PTN: variants seen among roughly 807,000 people sequenced by gnomAD.
The protein encoded by PTN is pleiotrophin.
PTN carries 18 observed loss-of-function variants against 24.1 expected under a neutral mutation model. The observed-to-expected ratio is 0.75, with a 90% CI of 0.52 to 1.11. The LOEUF (loss-of-function observed/expected upper bound fraction) is 1.11. Among genes scored for constraint, PTN ranks in the 50% least tolerant of loss-of-function variants. The pLI is 0.00. For missense variants in PTN, 163 were observed against 198.8 expected, an observed-to-expected ratio of 0.82 and a Z score of 1.08; for synonymous variants, 78 against 68.6, an observed-to-expected ratio of 1.14 and a Z score of -0.67.
chr7:137,292,858 G>A (rs543549336), intron 1 of PTN, among the ~76,000 whole-genome samples: 1 of 152,200 alleles, frequency 6.6e-6, no homozygotes, highest in African/African-American at 2.4e-5. Flanking sequence ...GGGTCAAGTG[G>A]GTGGGTGAGT....
chr7:137,230,916 T>C (rs369073929), intron 4 of PTN, among the ~76,000 whole-genome samples: 90 of 151,992 alleles, frequency 5.9e-4, no homozygotes, highest in African/African-American at 2.1e-3. Context: ...TCTGTTTTTC[T>C]CTCTAGTCTC....
chr7:137,302,857 T>G (rs1244194914), intron 1 of PTN, among the ~76,000 whole-genome samples: 1 of 151,996 alleles, frequency 6.6e-6, no homozygotes, highest in Admixed American at 6.6e-5. Context: ...CTCAAAAGTC[T>G]ATCAGTTCAG....
chr7:137,332,292 A>G (rs904118378), intron 1 of PTN, among the ~76,000 whole-genome samples: 23 of 152,206 alleles, frequency 1.5e-4, no homozygotes, highest in African/African-American at 5.5e-4. Context: ...TAAAATTTGA[A>G]TATCTTGTAC....
At chr7:137,261,671 C>T (rs1033043612) in intron 1 of PTN, among the ~76,000 whole-genome samples, 13 of 152,152 alleles carry the variant, frequency 8.5e-5, no homozygotes, top group South Asian at 4.1e-4. Context: ...GCATTCAGAA[C>T]GAAGACCCAA....
At chr7:137,340,820 A>T (rs1810521949) in intron 1 of PTN, among the ~76,000 whole-genome samples, 1 of 152,148 alleles carries the variant, frequency 6.6e-6, no homozygotes. Flanking sequence ...GCTGAGGTGC[A>T]CTCAGGTGTG....
At chr7:137,307,609 ATATG>A (rs1292552737) in intron 1 of PTN, among the ~76,000 whole-genome samples, 2 of 152,108 alleles carry the variant, frequency 1.3e-5, no homozygotes, top group South Asian at 2.1e-4. Flanking sequence ...CTATATATAT[ATATG>A]TATTTAATAA....
rs1400186003 is a variant in PTN, at chr7:137,273,786, A to G, written c.-1-18812T>C. Among the ~76,000 whole-genome samples, 3 of 152,052 alleles carry G rather than the reference A, an allele frequency of 2.0e-5. No homozygotes were observed. In the East Asian group the frequency reaches 5.8e-4, roughly 29 times the overall value. On this transcript the variant is annotated intron_variant, in intron 1 of 4. Transcript: ENST00000348225. ...GACAAGGAAAGACCACGGAGAGGGG[A>G]AAAGGCTGTGAGTTGCATGAACATG...
intron 1 of PTN, among the ~76,000 whole-genome samples, chr7:137,312,165 T>G (rs1342305281): frequency 6.6e-6 from 1 of 152,230 alleles, no homozygotes; most frequent in Non-Finnish European, 1.5e-5. Context: ...GACAAGATAT[T>G]AATTGTTGTC....
chr7:137,249,634 CTGAG>C (rs1162720072), intron 4 of PTN, among the ~76,000 whole-genome samples: 1 of 152,128 alleles, frequency 6.6e-6, no homozygotes, highest in Non-Finnish European at 1.5e-5. Context: ...TACAGTAACT[CTGAG>C]TTTTGCCATT....
chr7:137,317,815 T>C (rs892670723), intron 1 of PTN, among the ~76,000 whole-genome samples: 3 of 152,168 alleles, frequency 2.0e-5, no homozygotes, highest in South Asian at 2.1e-4. Flanking sequence ...TTATAGTCTT[T>C]GCAGGAAGAT....
chr7:137,315,151 T>C (rs895894969), intron 1 of PTN, among the ~76,000 whole-genome samples: 4 of 152,066 alleles, frequency 2.6e-5, no homozygotes, highest in East Asian at 3.9e-4. Context: ...CAATGCAAAA[T>C]AGGATGCTAA....
chr7:137,262,420 C>T (rs1378682267), intron 1 of PTN, among the ~76,000 whole-genome samples: 1 of 152,000 alleles, frequency 6.6e-6, no homozygotes, highest in African/African-American at 2.4e-5. Context: ...CACCTCATTG[C>T]TGAGTTTTCT....
intron 4 of PTN, among the ~76,000 whole-genome samples, chr7:137,235,391 G>A (rs1808501727): frequency 1.3e-5 from 2 of 152,126 alleles, no homozygotes; most frequent in South Asian, 2.1e-4. Flanking sequence ...CCAGGTACTG[G>A]TTGGCTAGGC....
intron 4 of PTN, among the ~76,000 whole-genome samples, chr7:137,239,952 A>C (rs184784257): frequency 1.3e-4 from 20 of 152,232 alleles, no homozygotes; most frequent in African/African-American, 4.8e-4. Context: ...CTAGTCATTG[A>C]GCAAAACAAG....
At chr7:137,231,819 G>T (rs949142002) in intron 4 of PTN, among the ~76,000 whole-genome samples, 4 of 151,926 alleles carry the variant, frequency 2.6e-5, no homozygotes, top group Non-Finnish European at 5.9e-5. Flanking sequence ...ATACGTATAT[G>T]AAATTTATCC....
intron 1 of PTN, among the ~76,000 whole-genome samples, chr7:137,337,262 G>T (rs1562975273): frequency 1.3e-5 from 2 of 152,102 alleles, no homozygotes; most frequent in African/African-American, 4.8e-5. Flanking sequence ...GAGACAAATG[G>T]GAGATAAAAT....
chr7:137,243,018 C>T (rs565535791), intron 4 of PTN, among the ~76,000 whole-genome samples: 72 of 152,336 alleles, frequency 4.7e-4, no homozygotes, highest in South Asian at 1.9e-3. Context: ...CTCACTGCAA[C>T]GTCTGCCTCC....
At chr7:137,338,485 G>C (rs150610294) in intron 1 of PTN, among the ~76,000 whole-genome samples, 1 of 152,126 alleles carries the variant, frequency 6.6e-6, no homozygotes, top group African/African-American at 2.4e-5. Context: ...TGAAATAGAC[G>C]TTGCGTACCA....
intron 1 of PTN, among the ~76,000 whole-genome samples, chr7:137,259,987 AG>A (rs1206671278): frequency 6.6e-6 from 1 of 152,144 alleles, no homozygotes; most frequent in African/African-American, 2.4e-5. Context: ...TTTTATTTAA[AG>A]TACCTAAGAT....
Sources: gnomAD v4.1 joint callset for allele counts (sites outside exome capture counted in the v4.1 genomes callset) on GRCh38, gnomAD v4.1.1 for gene constraint, MANE v1.5 for transcripts, NCBI Gene and HGNC (gene_info 2026-07-23, HGNC 2026-07-21) for gene names.